The following PAK3 variants were observed in gnomAD, a reference collection of about 807,000 sequenced individuals.
The protein encoded by PAK3 is serine/threonine-protein kinase PAK 3.
A neutral mutation model predicts 41.0 loss-of-function variants in PAK3; 4 were observed. That is an observed-to-expected ratio of 0.10 (90% CI 0.05 to 0.22). The LOEUF is 0.22. Among genes scored for constraint, PAK3 ranks in the 10% least tolerant of loss-of-function variants. PAK3 has a pLI of 1.00. For synonymous variants in PAK3, 146 were observed against 139.6 expected (o/e 1.05, Z -0.32); for missense variants, 205 against 409.9 (o/e 0.50, Z 4.32).
chrX:111,204,329 T>C (rs976893015), intron 16 of PAK3, among the ~76,000 whole-genome samples: 1 of 110,934 alleles, frequency 9.0e-6, no homozygotes, highest in Non-Finnish European at 1.9e-5. Flanking sequence ...TACTATTATG[T>C]TATAATTTCT....
In PAK3 at chrX:111,105,532, G is replaced by A. The variant is rs532263784; in HGVS notation, c.-28+2226G>A. 8.1e-5 allele frequency among the ~76,000 whole-genome samples: 9 copies of A among 111,614 alleles called. No individual in the cohort carries two copies. The South Asian group carries it at 3.4e-3, about 42-fold the overall frequency. ...ACAAACTTATCACAGGGACACAAAC[G>A]TGCATACATGCTCATATATCCACGT... On this transcript the variant is annotated intron_variant, in intron 4 of 17. Coordinates refer to ENST00000372007, the MANE Select transcript of PAK3 (RefSeq NM_002578.5).
intron 10 of PAK3, among the ~76,000 whole-genome samples, chrX:111,167,002 A>G (rs1324795760): frequency 9.9e-6 from 1 of 101,290 alleles, no homozygotes; most frequent in African/African-American, 4.8e-5. Flanking sequence ...AGATGGAGAT[A>G]ATAATTGTAC....
intron 8 of PAK3, among the ~76,000 whole-genome samples, chrX:111,157,797 AAAAG>A (rs2094126375): frequency 2.7e-5 from 3 of 111,150 alleles, no homozygotes; most frequent in African/African-American, 6.5e-5. Context: ...CAAAAAAAAA[AAAAG>A]AAAAGAAAAA....
chrX:111,131,673 T>C (rs1246873050), intron 5 of PAK3, among the ~76,000 whole-genome samples: 1 of 111,885 alleles, frequency 8.9e-6, no homozygotes, highest in African/African-American at 3.2e-5. Flanking sequence ...TTCTTGTAAA[T>C]CCAGGAGTTA....
intron 1 of PAK3, among the ~76,000 whole-genome samples, chrX:110,967,955 C>A (rs573000112): frequency 1.8e-5 from 2 of 112,274 alleles, no homozygotes; most frequent in African/African-American, 6.5e-5. Flanking sequence ...ATAGATCTCC[C>A]TCGTCACATA....
At chrX:111,024,575 A>T (rs1323087505) in intron 1 of PAK3, among the ~76,000 whole-genome samples, 2 of 111,381 alleles carry the variant, frequency 1.8e-5, no homozygotes, top group Non-Finnish European at 3.8e-5. Flanking sequence ...ATATAATAAT[A>T]AAAGGACTAG....
intron 8 of PAK3, among the ~76,000 whole-genome samples, chrX:111,155,908 G>A (rs1389941830): frequency 8.9e-6 from 1 of 111,838 alleles, no homozygotes; most frequent in Non-Finnish European, 1.9e-5. Flanking sequence ...AGGTTAAGGC[G>A]GAACCAAATC....
chrX:110,978,748 C>CTT (rs1223006020), intron 1 of PAK3, among the ~76,000 whole-genome samples: 2 of 90,286 alleles, frequency 2.2e-5, no homozygotes, highest in East Asian at 6.6e-4. Flanking sequence ...TTCTTCTTTC[C>CTT]TTCTCTCTCT....
rs2094934831 is a variant in PAK3 at position 111,222,815 on chromosome X, G to A, written c.*2368G>A. On this transcript the variant is annotated 3_prime_UTR_variant, in exon 18 of 18. Coordinates refer to ENST00000372007, the MANE Select transcript of PAK3 (RefSeq NM_002578.5). ...AGCAGTGACCCTTCAGATCACTGTA[G>A]GCAGAGAAATGGCTTCTCTCTTATG... 9.0e-6 allele frequency: 1 copy of A among 110,756 alleles called. No individual in the cohort carries two copies. The highest frequency in any genetic ancestry group is 3.3e-5 in the African/African-American group (1 of 30,480). 9.1% of individuals were successfully genotyped at this position (110,756 alleles called of 1,213,427 possible). A position where few individuals can be genotyped will look rare whatever the true frequency, so the allele number is the denominator to read the frequency against.
intron 11 of PAK3, among the ~76,000 whole-genome samples, chrX:111,177,983 C>G (rs1217499715): frequency 9.0e-6 from 1 of 111,068 alleles, no homozygotes; most frequent in African/African-American, 3.3e-5. Context: ...TCCAGTTTAA[C>G]AAGTATATTT....
At chrX:111,152,544 T>A (rs2094044189) in intron 8 of PAK3, 97 bp downstream of exon 8, 1 of 598,197 alleles carries the variant, frequency 1.7e-6, no homozygotes, top group African/African-American at 2.3e-5. Context: ...ATAAAGTCTT[T>A]TAAAAACAAT....
intron 1 of PAK3, among the ~76,000 whole-genome samples, chrX:110,968,905 G>A (rs2091137661): frequency 9.2e-6 from 1 of 109,132 alleles, no homozygotes; most frequent in African/African-American, 3.3e-5. Context: ...CTCCTTACCA[G>A]CCCTGGGTTT....
At chrX:110,986,411 AAAAAT>A (rs1277843954) in intron 1 of PAK3, among the ~76,000 whole-genome samples, 1 of 112,103 alleles carries the variant, frequency 8.9e-6, no homozygotes, top group Non-Finnish European at 1.9e-5. Flanking sequence ...AAGAGAATGA[AAAAAT>A]AAAAGAAGAG....
At chrX:111,196,727 A>T in intron 16 of PAK3, 87 bp downstream of exon 16, 1 of 643,946 alleles carries the variant, frequency 1.6e-6, no homozygotes, top group Non-Finnish European at 2.6e-6. Flanking sequence ...AAGTGACCAG[A>T]ATGGGCTCTT....
At chrX:110,974,290 G>A (rs1253513685) in intron 1 of PAK3, among the ~76,000 whole-genome samples, 5 of 111,544 alleles carry the variant, frequency 4.5e-5, no homozygotes, top group Non-Finnish European at 7.5e-5. Flanking sequence ...TATCACCACC[G>A]ATTCCACAGA....
intron 11 of PAK3, among the ~76,000 whole-genome samples, chrX:111,182,155 C>T (rs942290859): frequency 1.8e-5 from 2 of 111,448 alleles, no homozygotes; most frequent in East Asian, 5.7e-4. Flanking sequence ...ACCTGCCCCC[C>T]TTTCCTGTCC....
intron 1 of PAK3, among the ~76,000 whole-genome samples, chrX:110,953,784 G>A (rs1003328596): frequency 3.6e-5 from 4 of 111,885 alleles, no homozygotes; most frequent in Non-Finnish European, 7.5e-5. Context: ...GGTGAATGGA[G>A]AGCACAGTGT....
intron 1 of PAK3, among the ~76,000 whole-genome samples, chrX:111,041,250 A>G (rs182488682): frequency 1.2e-3 from 132 of 113,029 alleles, no homozygotes; most frequent in Non-Finnish European, 2.2e-3. Flanking sequence ...GCTGGGGTCC[A>G]GACAAGCCCT....
At chrX:111,099,825 A>C (rs994668857) in intron 3 of PAK3, among the ~76,000 whole-genome samples, 5 of 104,787 alleles carry the variant, frequency 4.8e-5, no homozygotes, top group Non-Finnish European at 9.8e-5. Flanking sequence ...CTTGTCTTTC[A>C]AACGATGAAC....
Sources: gnomAD v4.1 joint callset for allele counts (sites outside exome capture counted in the v4.1 genomes callset) on GRCh38, gnomAD v4.1.1 for gene constraint, MANE v1.5 for transcripts, NCBI Gene and HGNC (gene_info 2026-07-23, HGNC 2026-07-21) for gene names.